Variants in TNS1 observed in about 807,000 individuals in gnomAD.
TNS1 encodes the protein tensin-1.
TNS1 carries 62 observed loss-of-function variants against 168.6 expected under a neutral mutation model. That is an observed-to-expected ratio of 0.37 (90% confidence interval 0.30 to 0.45). TNS1 has a LOEUF of 0.45. TNS1 is among the 20% of genes least tolerant of loss of function. TNS1 has a pLI of 1.00. For missense variants in TNS1, 2,240 were observed against 2,339.4 expected (o/e 0.96, Z 0.88); for synonymous variants, 934 against 933.2 (o/e 1.00, Z -0.02).
In TNS1 at chr2:218,031,320, T is replaced by A. The variant is rs535234165; in HGVS notation, c.156+2500A>T. Among the ~76,000 whole-genome samples the A allele has an allele frequency of 7.3e-3, 1,036 of 141,464 alleles. 72 individuals carry two copies. The highest frequency in any genetic ancestry group is 0.026 in the African/African-American group (953 of 36,174). The allele number at this position is 141,464 out of a possible 152,430, so 92.8% of individuals were successfully genotyped here. A position where few individuals can be genotyped will look rare whatever the true frequency, so the allele number is the denominator to read the frequency against. ...GTGTGTCTTTGTGTATGAGTGTGGG[T>A]GTGTGAGCATGTCTGTGTGTGAGTG... On this transcript the variant is annotated intron_variant, in intron 1 of 1. Coordinates refer to the TNS1 transcript ENST00000649572.
intron 5 of TNS1, 127 bp downstream of exon 5, chr2:217,907,083 A>T: frequency 1.6e-6 from 1 of 644,404 alleles, no homozygotes; most frequent in East Asian, 2.8e-5. Context: ...AAGTTCCCCA[A>T]ATCTACTCCG....
At chr2:217,876,680 G>A (rs1446781004) in intron 18 of TNS1, among the ~76,000 whole-genome samples, 1 of 152,064 alleles carries the variant, frequency 6.6e-6, no homozygotes, top group Non-Finnish European at 1.5e-5. Flanking sequence ...CTTTAAAGAG[G>A]CAATTAAGGT....
At chr2:217,893,182 A>C (rs1324020396) in intron 10 of TNS1, among the ~76,000 whole-genome samples, 170 bp from the exon 11 acceptor site, 1 of 152,146 alleles carries the variant, frequency 6.6e-6, no homozygotes, top group Non-Finnish European at 1.5e-5. Context: ...GGTGGGGACT[A>C]AGTCTCAGAA....
At position 217,821,826 on chromosome 2, in the gene TNS1, C is replaced by T; in HGVS notation, c.3486G>A (p.Glu1162=). 6.3e-7 allele frequency: 1 copy of T among 1,575,912 alleles called. No homozygotes were observed. ...SAPATQAYGH[E]IPLRNGTLGG... The stretch of plus-strand genomic sequence containing the variant: ...CCAGGGTCCCGTTCCTCAGGGGTAT[C>T]TCATGGCCATAGGCCTGGGTGGCTG... Residue 1162 remains glutamate (E), a synonymous_variant, in exon 23 of 33, where the codon GAG becomes GAA. Transcript: ENST00000682258.
chr2:217,828,737 C>A (rs1943970664), intron 22 of TNS1, among the ~76,000 whole-genome samples: 1 of 152,240 alleles, frequency 6.6e-6, no homozygotes, highest in South Asian at 2.1e-4. Flanking sequence ...GACATGCCAA[C>A]TCCTTGAAAC....
intron 21 of TNS1, among the ~76,000 whole-genome samples, chr2:217,834,762 T>C (rs1056485390): frequency 6.6e-6 from 1 of 152,132 alleles, no homozygotes; most frequent in African/African-American, 2.4e-5. Context: ...CACGCTAAGA[T>C]GGTAGGGTCT....
At chr2:217,920,315 A>T in intron 3 of TNS1, 79 bp from the exon 4 acceptor site, 1 of 698,502 alleles carries the variant, frequency 1.4e-6, no homozygotes, top group Non-Finnish European at 2.6e-6. Context: ...GTCACCCCAC[A>T]CCTCCCCCTG....
intron 18 of TNS1, among the ~76,000 whole-genome samples, chr2:217,870,578 A>G (rs1277169378): frequency 1.3e-5 from 2 of 152,168 alleles, no homozygotes; most frequent in Non-Finnish European, 2.9e-5. Flanking sequence ...CTGAGGGGGA[A>G]AGAGTACACA....
At chr2:217,980,623 C>T (rs148165593) in intron 2 of TNS1, among the ~76,000 whole-genome samples, 104 of 152,024 alleles carry the variant, frequency 6.8e-4, no homozygotes, top group African/African-American at 2.4e-3. Context: ...GTGGTTTATG[C>T]GCACCCCAAT....
At chr2:217,987,132 T>C (rs1453934081) in intron 2 of TNS1, 1 of 152,176 alleles carries the variant, frequency 6.6e-6, no homozygotes, top group Non-Finnish European at 1.5e-5. Context: ...GGGCCAGAAG[T>C]AGAGCCTGGG....
intron 18 of TNS1, among the ~76,000 whole-genome samples, chr2:217,860,626 CAT>C (rs1273720604): frequency 4.6e-4 from 70 of 152,312 alleles, no homozygotes; most frequent in African/African-American, 1.6e-3. Context: ...ACGCAACCTT[CAT>C]GTTTATTTGT....
chr2:217,969,757 A>G (rs1957733421), intron 3 of TNS1, among the ~76,000 whole-genome samples: 1 of 152,242 alleles, frequency 6.6e-6, no homozygotes, highest in African/African-American at 2.4e-5. Flanking sequence ...TAGAATGGCT[A>G]CAATCAAAAA....
intron 6 of TNS1, among the ~76,000 whole-genome samples, chr2:217,903,045 C>T (rs572078826): frequency 6.6e-6 from 1 of 152,298 alleles, no homozygotes; most frequent in Admixed American, 6.5e-5. Flanking sequence ...TCACACGAGG[C>T]TAGAGATGGT....
In TNS1 at chr2:217,896,884, A is replaced by G. The variant is rs188545080; in HGVS notation, c.543+914T>C. Among the ~76,000 whole-genome samples, 819 of 152,350 alleles carry G rather than the reference A, an allele frequency of 5.4e-3. 3 individuals are homozygous for G. Among genetic ancestry groups the G allele is most frequent in the Non-Finnish European group, 8.5e-3 (577 of 68,032 alleles). ...CTCTAGGTTACTTGTAATACCTAAT[A>G]CAATATAAACGCTCTGCAAATAGTT... On this transcript the variant is annotated intron_variant, in intron 8 of 32. Transcript: ENST00000682258.
chr2:217,850,107 C>T lies in TNS1; in HGVS notation c.1430-1020G>A, dbSNP rs536544370. On this transcript the variant is annotated intron_variant, in intron 18 of 32. Coordinates refer to ENST00000682258, the MANE Select transcript of TNS1 (RefSeq NM_001387777.1). ...AGCTCAGCCCATACCACTCAAGACT[C>T]CAGGAAAGGGACGCGGGTCCTGGGA... 1.6e-5 allele frequency: 16 copies of T among 985,406 alleles called. No homozygotes were observed. In the South Asian group the frequency reaches 7.0e-4, roughly 43 times the overall value. The allele number at this position is 985,406 out of a possible 1,614,324, so 61.0% of individuals were successfully genotyped here. A position where few individuals can be genotyped will look rare whatever the true frequency, so the allele number is the denominator to read the frequency against.
intron 2 of TNS1, among the ~76,000 whole-genome samples, chr2:217,989,235 G>C (rs1352135278): frequency 6.6e-6 from 1 of 152,196 alleles, no homozygotes; most frequent in Non-Finnish European, 1.5e-5. Context: ...CTCTGTCTTG[G>C]GGATTGTGAG....
chr2:217,898,146 G>A (rs78974844), intron 7 of TNS1, among the ~76,000 whole-genome samples, 177 bp from the exon 8 acceptor site: 94 of 152,346 alleles, frequency 6.2e-4, no homozygotes, highest in Middle Eastern at 3.4e-3. Context: ...CAATGTGGCC[G>A]GCTTGGGAGT....
chr2:218,018,172 C>A (rs1958778660), intron 1 of TNS1, among the ~76,000 whole-genome samples: 1 of 152,182 alleles, frequency 6.6e-6, no homozygotes, highest in Admixed American at 6.5e-5. Flanking sequence ...CAACTCAAGA[C>A]AAACACCAGG....
rs537614885 is a variant in TNS1 at position 217,833,720 on chromosome 2, G to A, written c.3280+1371C>T. 7.2e-5 allele frequency among the ~76,000 whole-genome samples: 11 copies of A among 152,342 alleles called. No individual in the cohort carries two copies. In the South Asian group the frequency reaches 2.1e-3, roughly 29 times the overall value. On this transcript the variant is annotated intron_variant, in intron 21 of 32. Transcript: ENST00000682258. ...ACGAGCCACACATGGCCGCAGAGCC[G>A]TTGCAGGGTGACCAGTGTGAACAGA...
Sources: gnomAD v4.1 joint callset for allele counts (sites outside exome capture counted in the v4.1 genomes callset) on GRCh38, gnomAD v4.1.1 for gene constraint, MANE v1.5 for transcripts, NCBI Gene and HGNC (gene_info 2026-07-23, HGNC 2026-07-21) for gene names.